The following XRCC5 variants were observed in gnomAD, a reference collection of about 807,000 sequenced individuals.
XRCC5 encodes X-ray repair cross complementing 5.
XRCC5 carries 12 observed loss-of-function variants against 95.7 expected under a neutral mutation model. That is an observed-to-expected ratio of 0.13 (90% CI 0.08 to 0.20). The LOEUF is 0.20. Among genes scored for constraint, XRCC5 ranks in the 10% least tolerant of loss-of-function variants. The pLI is 1.00. For missense variants in XRCC5, 595 were observed against 873.9 expected, an observed-to-expected ratio of 0.68 and a Z score of 4.02; for synonymous variants, 281 against 290.3, an observed-to-expected ratio of 0.97 and a Z score of 0.33.
intron 16 of XRCC5, among the ~76,000 whole-genome samples, chr2:216,173,007 T>G (rs537707354): frequency 6.6e-6 from 1 of 152,080 alleles, no homozygotes; most frequent in Non-Finnish European, 1.5e-5. Flanking sequence ...ATGTTGTGAG[T>G]GGAATTGTTT....
At chr2:216,165,760 T>G (rs1450907320) in intron 16 of XRCC5, among the ~76,000 whole-genome samples, 2 of 152,212 alleles carry the variant, frequency 1.3e-5, no homozygotes, top group Admixed American at 6.5e-5. Context: ...GATAGATAGT[T>G]GGTAAGATTG....
intron 6 of XRCC5, among the ~76,000 whole-genome samples, chr2:216,122,459 T>C (rs1182755791): frequency 6.6e-6 from 1 of 152,220 alleles, no homozygotes; most frequent in Non-Finnish European, 1.5e-5. Flanking sequence ...TTCTCATTTA[T>C]TTCCAGGACC....
At chr2:216,121,948 G>C in intron 5 of XRCC5, 114 bp from the exon 6 acceptor site, 1 of 941,046 alleles carries the variant, frequency 1.1e-6, no homozygotes, top group Non-Finnish European at 1.5e-6. Flanking sequence ...AGAGTCGTTT[G>C]ACAGATGAGA....
intron 8 of XRCC5, 123 bp downstream of exon 8, chr2:216,127,797 G>C: frequency 8.6e-7 from 1 of 1,161,066 alleles, no homozygotes; most frequent in Non-Finnish European, 1.2e-6. Context: ...AAATATAACA[G>C]TTTGAAAGGA....
intron 13 of XRCC5, among the ~76,000 whole-genome samples, chr2:216,143,132 T>A (rs7567096): frequency 6.6e-6 from 1 of 152,216 alleles, no homozygotes; most frequent in Non-Finnish European, 1.5e-5. Flanking sequence ...CAGCTTGATA[T>A]CACTGCCCAG....
intron 16 of XRCC5, among the ~76,000 whole-genome samples, chr2:216,188,839 T>C (rs1689558433): frequency 6.6e-6 from 1 of 152,250 alleles, no homozygotes; most frequent in Non-Finnish European, 1.5e-5. Flanking sequence ...ATTAATTCAC[T>C]GCTGCGGGAT....
At chr2:216,204,825 C>G (rs1366200154) in intron 20 of XRCC5, among the ~76,000 whole-genome samples, 2 of 152,060 alleles carry the variant, frequency 1.3e-5, no homozygotes, top group African/African-American at 4.8e-5. Flanking sequence ...CAAAATAGAC[C>G]GATAGGCATT....
chr2:216,136,344 G>A (rs1467003901), intron 10 of XRCC5, among the ~76,000 whole-genome samples: 2 of 131,346 alleles, frequency 1.5e-5, no homozygotes, highest in African/African-American at 2.9e-5. Context: ...CAACAAGAGC[G>A]AAACTGTGTC....
At chr2:216,203,048 A>G (rs1448830443) in intron 19 of XRCC5, among the ~76,000 whole-genome samples, 1 of 152,232 alleles carries the variant, frequency 6.6e-6, no homozygotes, top group Non-Finnish European at 1.5e-5. Context: ...ATTGTACCAT[A>G]AAAGTAACAG....
chr2:216,121,554 A>G (rs1031219079), intron 5 of XRCC5, among the ~76,000 whole-genome samples: 1 of 152,044 alleles, frequency 6.6e-6, no homozygotes, highest in African/African-American at 2.4e-5. Flanking sequence ...TCTCCCTTCA[A>G]CCATTTTTTT....
At position 216,148,211 on chromosome 2, in the gene XRCC5, C is replaced by T. The variant is rs1474740072; in HGVS notation, c.1605C>T (p.Thr535=). The T allele has an allele frequency of 3.7e-6, 6 of 1,613,718 alleles. No homozygotes were observed. The African/African-American group carries it at 5.3e-5, about 14-fold the overall frequency. The change falls in exon 14 of 21, where the codon ACC becomes ACT. Residue 535 remains threonine (T), a synonymous_variant. Transcript: ENST00000392132. The part of the protein sequence containing the change: ...KSQIPLSKIK[T]LFPLIEAKKK... ...AGATTCCTCTCTCTAAAATAAAGAC[C>T]CTTTTTCCTCTGATTGAAGCCAAGA...
chr2:216,167,920 A>G (rs974122885), intron 16 of XRCC5, among the ~76,000 whole-genome samples: 23 of 152,188 alleles, frequency 1.5e-4, no homozygotes, highest in African/African-American at 5.3e-4. Context: ...ATGATTAAGG[A>G]TTCCAGAGGT....
chr2:216,192,530 T>C (rs964990109), intron 17 of XRCC5, 109 bp from the exon 18 acceptor site: 53 of 596,922 alleles, frequency 8.9e-5, no homozygotes, highest in Admixed American at 2.7e-4. Flanking sequence ...CATTTTATTT[T>C]TTTGTAATAA....
At chr2:216,202,719 A>G (rs1689858506) in intron 19 of XRCC5, among the ~76,000 whole-genome samples, 2 of 152,232 alleles carry the variant, frequency 1.3e-5, no homozygotes, top group Admixed American at 6.5e-5. Flanking sequence ...GCTCAGTCAT[A>G]AAAGAAGTTA....
At chr2:216,178,463 A>T (rs914423921) in intron 16 of XRCC5, among the ~76,000 whole-genome samples, 1 of 151,974 alleles carries the variant, frequency 6.6e-6, no homozygotes, top group African/African-American at 2.4e-5. Flanking sequence ...GGGTATAATA[A>T]ATTGGGGATA....
chr2:216,113,478 C>T (rs1297765074), intron 2 of XRCC5, among the ~76,000 whole-genome samples: 2 of 152,210 alleles, frequency 1.3e-5, no homozygotes, highest in Non-Finnish European at 2.9e-5. Context: ...AGTCCCTCAA[C>T]TTGTTTGTGA....
At chr2:216,120,772 G>A (rs1259176468) in intron 5 of XRCC5, among the ~76,000 whole-genome samples, 2 of 152,084 alleles carry the variant, frequency 1.3e-5, no homozygotes, top group Non-Finnish European at 2.9e-5. Context: ...GTCTCGCACT[G>A]TTGCCCAGGC....
intron 19 of XRCC5, among the ~76,000 whole-genome samples, chr2:216,195,877 A>G (rs1262232716): frequency 6.6e-6 from 1 of 152,226 alleles, no homozygotes; most frequent in Non-Finnish European, 1.5e-5. Flanking sequence ...TCAGTTACTA[A>G]GCTTCTGCGA....
chr2:216,174,262 A>C (rs1008258916), intron 16 of XRCC5, among the ~76,000 whole-genome samples: 1 of 152,228 alleles, frequency 6.6e-6, no homozygotes, highest in Non-Finnish European at 1.5e-5. Flanking sequence ...TTAATCTAAA[A>C]CACACATTGC....
Sources: allele counts gnomAD v4.1 joint callset (sites outside exome capture counted in the v4.1 genomes callset), GRCh38; gene constraint gnomAD v4.1.1; transcripts MANE v1.5; gene names NCBI Gene and HGNC (gene_info 2026-07-23, HGNC 2026-07-21).